F8: variants seen among roughly 807,000 people sequenced by gnomAD.
The protein encoded by F8 is antihemophilic factor.
F8 carries 12 observed loss-of-function variants against 140.6 expected under a neutral mutation model. The observed-to-expected ratio is 0.09, with a 90% CI of 0.05 to 0.14. F8 has a LOEUF of 0.14. F8 is among the 10% of genes least tolerant of loss of function. The pLI is 1.00. For missense variants in F8, 1,354 were observed against 1,720.7 expected, an observed-to-expected ratio of 0.79 and a Z score of 3.77; for synonymous variants, 585 against 614.6, an observed-to-expected ratio of 0.95 and a Z score of 0.71.
chrX:154,844,465 A>C (rs1231028400), intron 25 of F8, among the ~76,000 whole-genome samples: 1 of 110,725 alleles, frequency 9.0e-6, no homozygotes, highest in Non-Finnish European at 1.9e-5. Flanking sequence ...CTTTTATTTC[A>C]TTGAGCAGTG....
At chrX:154,949,493 T>A (rs1557280570) in intron 12 of F8, among the ~76,000 whole-genome samples, 1 of 112,251 alleles carries the variant, frequency 8.9e-6, no homozygotes, top group South Asian at 3.7e-4. Flanking sequence ...TTGTTGTATT[T>A]TTGCCTTTTG....
At position 154,983,462 on chromosome X, in the gene F8, G is replaced by A. The variant is rs909006807; in HGVS notation, c.787+1225C>T. On this transcript the variant is annotated intron_variant, in intron 6 of 25. Transcript: ENST00000360256. ...TCTTGTGAAAATAGAGAGTAGAATC[G>A]TGGTTACCATAGTCTGGGGTGGGGA... 7.2e-5 allele frequency among the ~76,000 whole-genome samples: 8 copies of A among 111,888 alleles called. No homozygotes were observed. The South Asian group carries it at 1.1e-3, about 16-fold the overall frequency.
intron 6 of F8, among the ~76,000 whole-genome samples, chrX:154,970,409 A>G (rs1002168391): frequency 8.9e-6 from 1 of 111,743 alleles, no homozygotes; most frequent in Non-Finnish European, 1.9e-5. Flanking sequence ...AAATGTATCT[A>G]GTTTTTCACT....
intron 1 of F8, among the ~76,000 whole-genome samples, chrX:155,003,788 C>T (rs1411835977): frequency 9.1e-6 from 1 of 109,503 alleles, no homozygotes; most frequent in Non-Finnish European, 1.9e-5. Context: ...GAAACCCCAT[C>T]TTTACTAAAA....
At position 154,929,883 on chromosome X, in the gene F8, T is replaced by C. The variant is rs371159191; in HGVS notation, c.3907A>G (p.Thr1303Ala). The C allele has an allele frequency of 1.5e-5, 18 of 1,209,669 alleles. No individual in the cohort carries two copies. Among genetic ancestry groups the C allele is most frequent in the South Asian group, 1.1e-4 (6 of 56,829 alleles). ...EENLEGLGNQ[T>A]KQIVEKYACT... Reference sequence around the variant, plus strand: ...GCATATTTCTCTACAATTTGCTTGGTTTGATTTCCCAAGCCTTCCAAGTTT... The same window carrying C: ...GCATATTTCTCTACAATTTGCTTGGCTTGATTTCCCAAGCCTTCCAAGTTT... The change falls in exon 14 of 26, where the codon ACC becomes GCC. Residue 1303 changes from threonine (T) to alanine (A), a missense_variant. Transcript: ENST00000360256.
chrX:154,884,916 TG>T (rs2072871577), intron 22 of F8: 2 of 260,249 alleles, frequency 7.7e-6, no homozygotes. Context: ...GCGTGCCCAT[TG>T]GTCTCGGCTC....
chrX:154,898,528 C>G (rs1022316995), intron 21 of F8, among the ~76,000 whole-genome samples: 3 of 112,102 alleles, frequency 2.7e-5, no homozygotes, highest in Non-Finnish European at 5.6e-5. Context: ...GCCCAACTAT[C>G]AGAATTTGAA....
intron 6 of F8, among the ~76,000 whole-genome samples, chrX:154,974,693 T>C (rs2124116549): frequency 8.9e-6 from 1 of 112,212 alleles, no homozygotes; most frequent in African/African-American, 3.2e-5. Flanking sequence ...TTTGGTAGAA[T>C]TCAGCAGTGA....
At chrX:154,854,870 G>T (rs1224492521) in intron 25 of F8, among the ~76,000 whole-genome samples, 1 of 111,703 alleles carries the variant, frequency 9.0e-6, no homozygotes, top group Non-Finnish European at 1.9e-5. Flanking sequence ...GGTGGCTCAC[G>T]CCTGTAATCC....
At chrX:154,941,632 T>G (rs1256631751) in intron 13 of F8, among the ~76,000 whole-genome samples, 1 of 109,494 alleles carries the variant, frequency 9.1e-6, no homozygotes. Context: ...ACAAGGATAC[T>G]CAGGAATTGA....
intron 1 of F8, among the ~76,000 whole-genome samples, chrX:155,012,288 T>G (rs1557286637): frequency 8.9e-6 from 1 of 112,337 alleles, no homozygotes; most frequent in African/African-American, 3.2e-5. Flanking sequence ...CTTTATACTA[T>G]TAAATTCAAC....
intron 18 of F8, among the ~76,000 whole-genome samples, chrX:154,902,805 G>T (rs1262908435): frequency 8.9e-6 from 1 of 112,110 alleles, no homozygotes; most frequent in Non-Finnish European, 1.9e-5. Flanking sequence ...CTGTAAATAG[G>T]TAAGAACTAT....
intron 25 of F8, among the ~76,000 whole-genome samples, chrX:154,853,879 A>G (rs2072632958): frequency 8.9e-6 from 1 of 111,868 alleles, no homozygotes; most frequent in South Asian, 3.7e-4. Context: ...GCTAAATACA[A>G]CAATGCATTG....
chrX:154,870,752 A>C (rs2072768033), intron 22 of F8, among the ~76,000 whole-genome samples: 1 of 111,743 alleles, frequency 8.9e-6, no homozygotes, highest in Non-Finnish European at 1.9e-5. Flanking sequence ...AGAGGAAGTC[A>C]AATTGTCTCT....
rs1411642179 is a variant in F8 at position 154,966,524 on chromosome X, G to A, written c.1173C>T (p.Arg391=). ...DDNSPSFIQI[R]SVAKKHPKTW... The stretch of plus-strand genomic sequence containing the variant: ...TTTTAGGATGCTTCTTGGCAACTGA[G>A]CGAATTTGGATAAAGGAAGGAGAGT... The change falls in exon 8 of 26, where the codon CGC becomes CGT. Residue 391 remains arginine (R), a synonymous_variant. Coordinates refer to ENST00000360256, the MANE Select transcript of F8 (RefSeq NM_000132.4). The A allele has an allele frequency of 2.5e-6, 3 of 1,209,706 alleles. No homozygotes were observed.
At chrX:154,993,534 G>A (rs1480015629) in intron 3 of F8, among the ~76,000 whole-genome samples, 1 of 111,726 alleles carries the variant, frequency 9.0e-6, no homozygotes, top group Non-Finnish European at 1.9e-5. Context: ...TTACAGGCGC[G>A]AACCACCACA....
At chrX:154,906,037 G>T (rs1557276308) in intron 15 of F8, among the ~76,000 whole-genome samples, 1 of 111,564 alleles carries the variant, frequency 9.0e-6, no homozygotes, top group East Asian at 2.8e-4. Flanking sequence ...AAACTGTTGT[G>T]ATTACAGCGT....
chrX:154,945,510 C>G (rs1459039376), intron 13 of F8, among the ~76,000 whole-genome samples: 1 of 112,177 alleles, frequency 8.9e-6, no homozygotes, highest in Non-Finnish European at 1.9e-5. Context: ...AACAAATGAT[C>G]ATTTCAATTG....
intron 14 of F8, among the ~76,000 whole-genome samples, chrX:154,910,395 G>A (rs2073059614): frequency 1.0e-5 from 1 of 98,023 alleles, no homozygotes; most frequent in Non-Finnish European, 2.1e-5. Flanking sequence ...CACAGGAGGG[G>A]GAACATCACA....
Sources: allele counts gnomAD v4.1 joint callset (sites outside exome capture counted in the v4.1 genomes callset), GRCh38; gene constraint gnomAD v4.1.1; transcripts MANE v1.5; gene names NCBI Gene and HGNC (gene_info 2026-07-23, HGNC 2026-07-21).